The following ANKHD1 variants were observed in gnomAD, a reference collection of about 807,000 sequenced individuals.
The protein encoded by ANKHD1 is ankyrin repeat and KH domain containing 1, also known as ankyrin repeat and KH domain-containing protein 1.
ANKHD1 carries 31 observed loss-of-function variants against 230.5 expected under a neutral mutation model. The observed-to-expected ratio is 0.13, with a 90% CI of 0.10 to 0.18. The LOEUF (loss-of-function observed/expected upper bound fraction) is 0.18, where lower values mean the gene tolerates loss of function less well. ANKHD1 is among the 10% of genes least tolerant of loss of function. The pLI, the probability that ANKHD1 is intolerant of heterozygous loss-of-function variation, is 1.00. For synonymous variants in ANKHD1, 1,074 were observed against 1,117.6 expected, an observed-to-expected ratio of 0.96 and a Z score of 0.78; for missense variants, 2,256 against 3,071.3, an observed-to-expected ratio of 0.73 and a Z score of 6.27.
At chr5:140,529,898 A>G (rs1753738777) in intron 29 of ANKHD1, 102 bp downstream of exon 29, 1 of 1,479,020 alleles carries the variant, frequency 6.8e-7, no homozygotes, top group Non-Finnish European at 9.0e-7. Context: ...AGTCACATAT[A>G]ATGAGCTGCT....
intron 24 of ANKHD1, among the ~76,000 whole-genome samples, chr5:140,515,845 A>G (rs995924064): frequency 3.3e-5 from 5 of 152,242 alleles, no homozygotes; most frequent in African/African-American, 1.2e-4. Context: ...AAAGATGGGG[A>G]AAAAACAGAG....
intron 1 of ANKHD1, among the ~76,000 whole-genome samples, chr5:140,419,087 G>A (rs938527272): frequency 2.6e-5 from 4 of 151,796 alleles, no homozygotes; most frequent in Non-Finnish European, 5.9e-5. Context: ...ATGTACAAGA[G>A]TTCCATTCTT....
At chr5:140,428,202 G>A (rs956096897) in intron 1 of ANKHD1, among the ~76,000 whole-genome samples, 1 of 152,172 alleles carries the variant, frequency 6.6e-6, no homozygotes. Flanking sequence ...TGGGCGGCCA[G>A]GCAGAGACGC....
chr5:140,533,320 C>T lies in ANKHD1; in HGVS notation c.6851-2042C>T, dbSNP rs192019380. 2.6e-3 allele frequency among the ~76,000 whole-genome samples: 389 copies of T among 151,648 alleles called. 3 individuals are homozygous for T. Among genetic ancestry groups the T allele is most frequent in the African/African-American group, 9.0e-3 (371 of 41,330 alleles). ...TTTCAAAGTTAGCTCAGTGTGGGAC[C>T]GGGCACGGTGGCTCACGCCTGTAAT... On this transcript the variant is annotated intron_variant, in intron 29 of 33. Transcript: ENST00000360839.
chr5:140,522,150 T>C (rs1753377458), intron 24 of ANKHD1, among the ~76,000 whole-genome samples: 1 of 152,264 alleles, frequency 6.6e-6, no homozygotes, highest in Non-Finnish European at 1.5e-5. Flanking sequence ...AGGTAACTGC[T>C]AATCTACTTT....
rs771364425 is a variant in ANKHD1 at position 140,445,776 on chromosome 5, A to G, written c.948A>G (p.Gly316=). 1.9e-6 allele frequency: 3 copies of G among 1,610,194 alleles called. No individual in the cohort carries two copies. The highest frequency in any genetic ancestry group is 1.1e-5 in the South Asian group (1 of 90,448). The part of the protein sequence containing the change: ...NTALTYACAG[G]FVDIVKVLLN... ...CGCTAACTTATGCATGTGCTGGAGG[A>G]TTTGTTGACATTGTTAAAGTGCTCC... is the stretch of plus-strand genomic sequence containing the variant. The change falls in exon 6 of 34, where the codon GGA becomes GGG. Residue 316 remains glycine (G), a synonymous_variant. Coordinates refer to ENST00000360839, the MANE Select transcript of ANKHD1 (RefSeq NM_017747.3).
At chr5:140,406,028 T>C (rs1770409873) in intron 1 of ANKHD1, among the ~76,000 whole-genome samples, 1 of 151,782 alleles carries the variant, frequency 6.6e-6, no homozygotes, top group East Asian at 2.0e-4. Context: ...TCAGCTGAGG[T>C]CAGGAGTTAG....
chr5:140,417,833 CTTTTTTT>C (rs35322010), intron 1 of ANKHD1, among the ~76,000 whole-genome samples: 1 of 106,782 alleles, frequency 9.4e-6, no homozygotes. Flanking sequence ...CCCATATAGT[CTTTTTTT>C]TTTTTTTTTT....
chr5:140,470,360 A>C (rs1225558591), intron 10 of ANKHD1, among the ~76,000 whole-genome samples: 3 of 147,996 alleles, frequency 2.0e-5, no homozygotes, highest in African/African-American at 7.5e-5. Context: ...TTTTTTTTTT[A>C]GTGGTGACCG....
In ANKHD1 at chr5:140,526,962, A is replaced by G; in HGVS notation, c.4975A>G (p.Thr1659Ala). The change falls in exon 27 of 34, where the codon ACC becomes GCC. Residue 1659 changes from threonine to alanine, a missense_variant. Physicochemically the swap from Thr to Ala is moderately conservative, Grantham distance 58. Coordinates refer to ENST00000360839, the MANE Select transcript of ANKHD1 (RefSeq NM_017747.3). The part of the protein sequence containing the change: ...EGEVTPNSLS[T>A]SYKTVSLPLS... ...TGAAGTGACTCCTAATTCCTTGTCA[A>G]CCAGCTACAAGACAGTGTCATTGCC... 3 of 1,613,248 alleles carry G rather than the reference A, an allele frequency of 1.9e-6. No individual in the cohort carries two copies. Among genetic ancestry groups the G allele is most frequent in the Non-Finnish European group, 2.5e-6 (3 of 1,179,684 alleles).
intron 22 of ANKHD1, among the ~76,000 whole-genome samples, chr5:140,511,088 G>T (rs1179203330): frequency 6.6e-6 from 1 of 152,126 alleles, no homozygotes; most frequent in Non-Finnish European, 1.5e-5. Context: ...GCCTGCCAAA[G>T]TGCTGAGATA....
chr5:140,525,436 T>C lies in ANKHD1; in HGVS notation c.4493-560T>C, dbSNP rs10434717. Among the ~76,000 whole-genome samples the C allele has an allele frequency of 1.2e-3, 186 of 152,214 alleles. 4 individuals are homozygous for C. The East Asian group carries it at 0.029, about 24-fold the overall frequency. ...CACCACCATCCCCAGCTAATTTTTG[T>C]ATTTTTTGTAGAGACAAGATTTCGC... On this transcript the variant is annotated intron_variant, in intron 25 of 33. Transcript: ENST00000360839.
Sources: allele counts gnomAD v4.1 joint callset (sites outside exome capture counted in the v4.1 genomes callset), GRCh38; gene constraint gnomAD v4.1.1; transcripts MANE v1.5; gene names NCBI Gene and HGNC (gene_info 2026-07-23, HGNC 2026-07-21).